Variants in SIK2 observed in about 807,000 individuals in gnomAD.
SIK2 encodes serine/threonine-protein kinase SIK2.
Under a neutral mutation model 103.2 loss-of-function variants are expected in SIK2, and 29 were observed. The ratio of observed to expected loss-of-function variants is 0.28; its 90% confidence interval spans 0.21 to 0.38. The LOEUF (loss-of-function observed/expected upper bound fraction) is 0.38, where lower values mean the gene tolerates loss of function less well. Ranked by LOEUF, SIK2 falls within the 10% of genes least tolerant of loss-of-function variation. The pLI, the probability that SIK2 is intolerant of heterozygous loss-of-function variation, is 1.00. For synonymous variants in SIK2, 412 were observed against 446.1 expected (o/e 0.92, Z 0.96); for missense variants, 879 against 1,171.0 (o/e 0.75, Z 3.64).
Position 111,717,860 on chromosome 11 carries a change from G to A in SIK2, c.1267-1915G>A, listed in dbSNP as rs747181404. Among the ~76,000 whole-genome samples, 8 of 152,222 alleles carry A rather than the reference G, an allele frequency of 5.3e-5. No homozygotes were observed. In the South Asian group the frequency reaches 8.3e-4, roughly 16 times the overall value. ...AAAACCAAACACCACATGTTCTCAC[G>A]TATAAGTAGGAGTTGAATGGACACA... On this transcript the variant is annotated intron_variant, in intron 9 of 14. Transcript: ENST00000304987.
rs1943938986 is a variant in SIK2, at chr11:111,725,567, T to A, written c.*1438T>A. ...AAGTCAGTGTTAATTCTAAAGATGA[T>A]CATTTCTGCCCTTTAGAATGGCTTG... On this transcript the variant is annotated 3_prime_UTR_variant, in exon 15 of 15. Coordinates refer to ENST00000304987, the MANE Select transcript of SIK2 (RefSeq NM_015191.3). 6.5e-6 allele frequency: 1 copy of A among 152,678 alleles called. No individual in the cohort carries two copies. Among genetic ancestry groups the A allele is most frequent in the African/African-American group, 2.4e-5 (1 of 41,468 alleles). 9.5% of individuals were successfully genotyped at this position (152,678 alleles called of 1,614,324 possible). A position where few individuals can be genotyped will look rare whatever the true frequency, so the allele number is the denominator to read the frequency against.
intron 3 of SIK2, among the ~76,000 whole-genome samples, chr11:111,638,340 A>C (rs1248648041): frequency 2.0e-5 from 3 of 152,222 alleles, no homozygotes; most frequent in Non-Finnish European, 4.4e-5. Flanking sequence ...AAATCAGGGC[A>C]CTCACCCAGT....
In SIK2 at chr11:111,726,836, A is replaced by G. The variant is rs1943983604; in HGVS notation, c.*2707A>G. On this transcript the variant is annotated 3_prime_UTR_variant, in exon 15 of 15. Coordinates refer to ENST00000304987, the MANE Select transcript of SIK2 (RefSeq NM_015191.3). ...ACACTACTGTATCATCATCAGCTTC[A>G]TCACCCTGTAAACCAGGCTCCTCTG... The G allele has an allele frequency of 1.3e-6, 1 of 782,892 alleles. No homozygotes were observed. Among genetic ancestry groups the G allele is most frequent in the African/African-American group, 1.7e-5 (1 of 58,066 alleles). 48.5% of individuals were successfully genotyped at this position (782,892 alleles called of 1,614,324 possible). A position where few individuals can be genotyped will look rare whatever the true frequency, so the allele number is the denominator to read the frequency against.
Position 111,721,896 on chromosome 11 carries a change from C to A in SIK2, c.2011C>A (p.Pro671Thr). The A allele has an allele frequency of 6.2e-7, 1 of 1,612,006 alleles. No homozygotes were observed. The highest frequency in any genetic ancestry group is 8.5e-7 in the Non-Finnish European group (1 of 1,178,900). ...LPASVHPQLSPRQSLETQYLQ... is the reference protein window; with the variant it reads ...LPASVHPQLSTRQSLETQYLQ... ...TGCCAGCGTGCATCCCCAGCTGTCC[C>A]CACGGCAGAGCCTGGAGACCCAGTA... Residue 671 changes from proline (P) to threonine (T), a missense_variant, in exon 13 of 15, where the codon CCA (proline) becomes ACA (threonine). Physicochemically the swap from Pro to Thr is conservative, Grantham distance 38. Transcript: ENST00000304987.
rs1454182695 is a variant in SIK2 at position 111,723,694 on chromosome 11, C to T, written c.2346C>T (p.Ser782=). Residue 782 remains serine, a synonymous_variant, in exon 15 of 15, where the codon TCC becomes TCT. Transcript: ENST00000304987. ...QPLSPVLEPS[S]EQMQYSPFLS... is the part of the protein sequence containing the mutation. The stretch of plus-strand genomic sequence containing the variant: ...TGAGCCCCGTCCTGGAGCCTTCCTC[C>T]GAGCAGATGCAATACAGCCCTTTCC... 1.4e-5 allele frequency: 22 copies of T among 1,613,968 alleles called. No homozygotes were observed. The highest frequency in any genetic ancestry group is 1.6e-4 in the Middle Eastern group (1 of 6,080).
At chr11:111,638,715 A>G (rs1249890636) in intron 3 of SIK2, among the ~76,000 whole-genome samples, 1 of 151,774 alleles carries the variant, frequency 6.6e-6, no homozygotes, top group African/African-American at 2.4e-5. Context: ...CTTTTTTCTT[A>G]TGTTTTTCTT....
intron 3 of SIK2, among the ~76,000 whole-genome samples, chr11:111,677,739 A>G (rs1037984927): frequency 6.6e-6 from 1 of 151,914 alleles, no homozygotes; most frequent in African/African-American, 2.4e-5. Context: ...TAAAGTTTTT[A>G]TTATTTAATC....
intron 3 of SIK2, among the ~76,000 whole-genome samples, chr11:111,653,921 C>A (rs1158486795): frequency 2.0e-5 from 3 of 152,164 alleles, no homozygotes. Flanking sequence ...TTTTGTTTTA[C>A]TTTGCTTTGT....
At chr11:111,623,510 G>A (rs1038475427) in intron 3 of SIK2, among the ~76,000 whole-genome samples, 2 of 152,138 alleles carry the variant, frequency 1.3e-5, no homozygotes, top group African/African-American at 4.8e-5. Flanking sequence ...CTTTGTTCTG[G>A]GATGCAGTTA....
intron 3 of SIK2, among the ~76,000 whole-genome samples, chr11:111,684,472 G>A (rs1942818760): frequency 6.6e-6 from 1 of 152,086 alleles, no homozygotes; most frequent in South Asian, 2.1e-4. Flanking sequence ...GGACAAGTCA[G>A]TCATTTGTCC....
At chr11:111,684,830 C>T (rs1942824377) in intron 3 of SIK2, among the ~76,000 whole-genome samples, 1 of 152,184 alleles carries the variant, frequency 6.6e-6, no homozygotes, top group East Asian at 1.9e-4. Flanking sequence ...AGCTACTATG[C>T]AGGTTCTGCA....
At chr11:111,654,227 T>G (rs1318184752) in intron 3 of SIK2, among the ~76,000 whole-genome samples, 2 of 152,206 alleles carry the variant, frequency 1.3e-5, no homozygotes, top group Non-Finnish European at 1.5e-5. Context: ...CTCCAATGAT[T>G]GGGTGAATCC....
intron 14 of SIK2, 77 bp from the exon 15 acceptor site, chr11:111,723,419 A>G (rs2135979168): frequency 7.0e-7 from 1 of 1,432,764 alleles, no homozygotes; most frequent in East Asian, 2.3e-5. Flanking sequence ...GAAGCTAGTG[A>G]CTGGTATTGC....
intron 3 of SIK2, among the ~76,000 whole-genome samples, chr11:111,652,755 A>C (rs1451585434): frequency 6.6e-6 from 1 of 152,186 alleles, no homozygotes; most frequent in Non-Finnish European, 1.5e-5. Context: ...ACCCTCACAT[A>C]GGTGGATGTG....
In SIK2 at chr11:111,702,671, T is replaced by C. The variant is rs1447202930; in HGVS notation, c.728-532T>C. 2.6e-5 allele frequency among the ~76,000 whole-genome samples: 4 copies of C among 152,318 alleles called. No individual in the cohort carries two copies. In the East Asian group the frequency reaches 7.7e-4, roughly 29 times the overall value. ...CCTTATGTGTGAGTGAAGAGCATCA[T>C]GTCAGCTCAGAGAATATGCTAGTGC... On this transcript the variant is annotated intron_variant, in intron 6 of 14. Coordinates refer to ENST00000304987, the MANE Select transcript of SIK2 (RefSeq NM_015191.3).
intron 8 of SIK2, among the ~76,000 whole-genome samples, chr11:111,708,880 C>G (rs1943421997): frequency 6.6e-6 from 1 of 152,150 alleles, no homozygotes; most frequent in South Asian, 2.1e-4. Flanking sequence ...TGATGAAGGT[C>G]ACACAATTAG....
At chr11:111,663,414 G>C (rs1473539986) in intron 3 of SIK2, among the ~76,000 whole-genome samples, 1 of 152,146 alleles carries the variant, frequency 6.6e-6, no homozygotes, top group Non-Finnish European at 1.5e-5. Flanking sequence ...CCCAAGACTA[G>C]AGGGTGGTAG....
At chr11:111,699,008 T>C (rs1256341738) in intron 4 of SIK2, among the ~76,000 whole-genome samples, 2 of 152,214 alleles carry the variant, frequency 1.3e-5, no homozygotes, top group East Asian at 3.8e-4. Flanking sequence ...AGTATAGTTT[T>C]TCTAGAAAAT....
rs1401726591 is a variant in SIK2, at chr11:111,616,276, G to A, written c.169G>A (p.Asp57Asn). ...AAAAATAATCGATAAGTCTCAGCTG[G>A]ATGCAGTGAACCTTGAGAAAATCTA... ...AIKIIDKSQL[D>N]AVNLEKIYRE... Residue 57 changes from aspartate to asparagine, a missense_variant, in exon 2 of 15, where the codon GAT (aspartate) becomes AAT (asparagine). Asp to Asn is a conservative substitution (Grantham distance 23). Coordinates refer to ENST00000304987, the MANE Select transcript of SIK2 (RefSeq NM_015191.3). The A allele has an allele frequency of 1.2e-6, 2 of 1,613,410 alleles. No homozygotes were observed. The highest frequency in any genetic ancestry group is 8.5e-7 in the Non-Finnish European group (1 of 1,179,700).
Sources: gnomAD v4.1 joint callset for allele counts (sites outside exome capture counted in the v4.1 genomes callset) on GRCh38, gnomAD v4.1.1 for gene constraint, MANE v1.5 for transcripts, NCBI Gene and HGNC (gene_info 2026-07-23, HGNC 2026-07-21) for gene names.